Variants in TENM4 observed in about 807,000 individuals in gnomAD.
The protein encoded by TENM4 is teneurin-4.
A neutral mutation model predicts 243.3 loss-of-function variants in TENM4; 82 were observed. That is an observed-to-expected ratio of 0.34 (90% confidence interval 0.28 to 0.40). The LOEUF is 0.40. Ranked by LOEUF, TENM4 falls within the 10% of genes least tolerant of loss-of-function variation. The probability of loss-of-function intolerance (pLI) is 1.00; values close to 1 mark genes in which losing one functional copy is unlikely to be tolerated. For synonymous variants in TENM4, 1,412 were observed against 1,456.3 expected (o/e 0.97, Z 0.69); for missense variants, 3,138 against 3,673.3 (o/e 0.85, Z 3.77).
intron 4 of TENM4, among the ~76,000 whole-genome samples, chr11:79,101,175 C>T (rs749015925): frequency 1.1e-4 from 17 of 152,236 alleles, no homozygotes; most frequent in Non-Finnish European, 2.1e-4. Flanking sequence ...GAGAGTTTCT[C>T]ATTATTGTTT....
chr11:79,279,756 G>T (rs1292207756), intron 2 of TENM4, among the ~76,000 whole-genome samples: 1 of 152,116 alleles, frequency 6.6e-6, no homozygotes, highest in East Asian at 1.9e-4. Flanking sequence ...TTTCTGTCTG[G>T]TGAGCTCTTT....
chr11:79,422,077 C>A (rs1858944778), intron 1 of TENM4: 1 of 153,728 alleles, frequency 6.5e-6, no homozygotes. Flanking sequence ...GATGCAATAA[C>A]CAAGGGAACC....
chr11:79,364,688 C>A (rs747496430), intron 1 of TENM4, among the ~76,000 whole-genome samples: 4 of 152,154 alleles, frequency 2.6e-5, no homozygotes, highest in Non-Finnish European at 5.9e-5. Context: ...AATTTTACAA[C>A]AAGAAAACTG....
rs117200651 is a variant in TENM4 at position 79,120,959 on chromosome 11, A to G, written c.-66+27751T>C. The stretch of plus-strand genomic sequence containing the variant: ...TAAAACTGAGGCCTCGGGAGCTTAT[A>G]TAACTTGCCCAAAGTCACACATTAG... On this transcript the variant is annotated intron_variant, in intron 4 of 33. Transcript: ENST00000278550. 3.3e-3 allele frequency among the ~76,000 whole-genome samples: 503 copies of G among 152,356 alleles called. 1 individual carries two copies. Among genetic ancestry groups the G allele is most frequent in the Admixed American group, 5.4e-3 (83 of 15,308 alleles).
At chr11:79,284,254 T>C (rs967628013) in intron 2 of TENM4, among the ~76,000 whole-genome samples, 2 of 152,198 alleles carry the variant, frequency 1.3e-5, no homozygotes, top group African/African-American at 2.4e-5. Context: ...ATTCACATAA[T>C]CCTTAAAAAG....
intron 6 of TENM4, among the ~76,000 whole-genome samples, chr11:78,987,595 C>T (rs988873216): frequency 6.6e-6 from 1 of 152,188 alleles, no homozygotes; most frequent in Non-Finnish European, 1.5e-5. Flanking sequence ...TATCATTGTA[C>T]ATGTAAGTGT....
At position 78,805,461 on chromosome 11, in the gene TENM4, C is replaced by G. The variant is rs775392150; in HGVS notation, c.2010G>C (p.Arg670=). Residue 670 remains arginine (R), a synonymous_variant, in exon 15 of 34, where the codon CGG becomes CGC. Coordinates refer to ENST00000278550, the MANE Select transcript of TENM4 (RefSeq NM_001098816.3). ...VDCMDPTCSG[R]GVCVRGECHC... ...GGCATTCGCCTCTCACGCAGACACC[C>G]CGGCCTGAACATGTGGGGTCCATGC... 1 of 1,589,936 alleles carries G rather than the reference C, an allele frequency of 6.3e-7. No homozygotes were observed. Among genetic ancestry groups the G allele is most frequent in the Non-Finnish European group, 8.6e-7 (1 of 1,167,800 alleles).
intron 4 of TENM4, among the ~76,000 whole-genome samples, chr11:79,102,542 G>C (rs77120244): frequency 0.015 from 2,253 of 152,274 alleles, 60 homozygotes; most frequent in African/African-American, 0.051. Context: ...AAAGCTCCTG[G>C]TACCTGGTGG....
intron 2 of TENM4, among the ~76,000 whole-genome samples, chr11:79,297,138 C>A (rs1268195738): frequency 6.6e-6 from 1 of 152,170 alleles, no homozygotes; most frequent in Non-Finnish European, 1.5e-5. Context: ...ACAGTTGGGT[C>A]TATTGAAGGG....
chr11:78,914,362 G>A (rs1406022135), intron 6 of TENM4, among the ~76,000 whole-genome samples: 5 of 152,196 alleles, frequency 3.3e-5, no homozygotes, highest in African/African-American at 9.7e-5. Flanking sequence ...GGGAGAAGGA[G>A]TAAATCTACT....
intron 2 of TENM4, among the ~76,000 whole-genome samples, chr11:79,234,832 G>C (rs754436083): frequency 2.0e-5 from 3 of 152,222 alleles, no homozygotes; most frequent in Non-Finnish European, 4.4e-5. Context: ...CTGTGTCCTT[G>C]GAGTGGGGCC....
Position 78,712,484 on chromosome 11 carries a change from CT to C in TENM4, c.4051del (p.Arg1351GlyfsTer10), listed in dbSNP as rs1565344649. 6.2e-7 allele frequency: 1 copy of C among 1,613,598 alleles called. No individual in the cohort carries two copies. The highest frequency in any genetic ancestry group is 1.7e-5 in the Admixed American group (1 of 60,026). On this transcript the variant is annotated frameshift_variant, in exon 26 of 34. Transcript: ENST00000278550. LOFTEE classifies it high-confidence loss of function. ...ATGTCTCTAAGGCAAGGCCTTACCC[CT>C]GGGATTGGTGAGTGTGGCTTCTGTG... ...KATEATLTNP[R>X]GITVDKFGLI...
At chr11:79,194,452 G>A (rs1320871654) in intron 3 of TENM4, among the ~76,000 whole-genome samples, 1 of 152,120 alleles carries the variant, frequency 6.6e-6, no homozygotes, top group Non-Finnish European at 1.5e-5. Context: ...TTGTTGAATG[G>A]CTTTGACAAA....
intron 1 of TENM4, among the ~76,000 whole-genome samples, chr11:79,353,690 G>A (rs1409519743): frequency 4.0e-5 from 6 of 151,494 alleles, no homozygotes; most frequent in Non-Finnish European, 7.4e-5. Flanking sequence ...TGCCAAGAAA[G>A]GCTACAAAGG....
chr11:79,172,237 G>A (rs997236514), intron 3 of TENM4, among the ~76,000 whole-genome samples: 7 of 152,126 alleles, frequency 4.6e-5, no homozygotes, highest in African/African-American at 1.7e-4. Context: ...ACAGGCATGA[G>A]TCAATGCACC....
chr11:79,127,253 T>G (rs1388143118), intron 4 of TENM4, among the ~76,000 whole-genome samples: 3 of 152,356 alleles, frequency 2.0e-5, no homozygotes, highest in African/African-American at 7.2e-5. Flanking sequence ...TATCCATCCC[T>G]GCAGGGATTG....
intron 1 of TENM4, among the ~76,000 whole-genome samples, chr11:79,420,745 C>T (rs1487814109): frequency 6.6e-6 from 1 of 152,066 alleles, no homozygotes; most frequent in Non-Finnish European, 1.5e-5. Context: ...AACTATTACC[C>T]CTCCACATGC....
chr11:79,003,323 G>T (rs1281658581), intron 6 of TENM4, among the ~76,000 whole-genome samples: 1 of 151,528 alleles, frequency 6.6e-6, no homozygotes, highest in East Asian at 1.9e-4. Context: ...TACTGTACAA[G>T]ATGGCCATCC....
At chr11:78,685,552 C>A (rs943579159) in intron 29 of TENM4, among the ~76,000 whole-genome samples, 5 of 152,158 alleles carry the variant, frequency 3.3e-5, no homozygotes, top group East Asian at 1.9e-4. Context: ...AGCAGTATGA[C>A]TTTTTTCCCT....
Sources: allele counts gnomAD v4.1 joint callset (sites outside exome capture counted in the v4.1 genomes callset), GRCh38; gene constraint gnomAD v4.1.1; transcripts MANE v1.5; gene names NCBI Gene and HGNC (gene_info 2026-07-23, HGNC 2026-07-21).